Variants in KIF20B observed in about 807,000 individuals in gnomAD.
The protein encoded by KIF20B is kinesin-like protein KIF20B.
In KIF20B, 188 loss-of-function variants were observed where a neutral mutation model predicts 232.5. The observed-to-expected ratio is 0.81, with a 90% CI of 0.72 to 0.91. KIF20B has a LOEUF of 0.91. Ranked by LOEUF, KIF20B falls within the 40% of genes least tolerant of loss-of-function variation. KIF20B has a pLI of 0.00. For missense variants in KIF20B, 2,154 were observed against 2,055.9 expected, an observed-to-expected ratio of 1.05 and a Z score of -0.92; for synonymous variants, 712 against 683.0, an observed-to-expected ratio of 1.04 and a Z score of -0.66.
In KIF20B at chr10:89,713,549, A is replaced by G. The variant is rs888677313; in HGVS notation, c.676-498A>G. ...TAAAATATTTTATATCTTTTCATCCACCAATTCACTTTTAGGTGTATACTC... is the reference window on the plus strand; with the variant it reads ...TAAAATATTTTATATCTTTTCATCCGCCAATTCACTTTTAGGTGTATACTC... On this transcript the variant is annotated intron_variant, in intron 6 of 32. Coordinates refer to ENST00000371728, the MANE Select transcript of KIF20B (RefSeq NM_001284259.2). Among the ~76,000 whole-genome samples, 5 of 152,254 alleles carry G rather than the reference A, an allele frequency of 3.3e-5. No individual in the cohort carries two copies. In the East Asian group the frequency reaches 9.6e-4, roughly 29 times the overall value.
At chr10:89,729,355 T>C in intron 18 of KIF20B, 108 bp downstream of exon 18, 4 of 1,109,392 alleles carry the variant, frequency 3.6e-6, no homozygotes, top group Non-Finnish European at 4.9e-6. Context: ...TTATTGAGAA[T>C]GTTGAATTGC....
At position 89,743,047 on chromosome 10, in the gene KIF20B, T is replaced by G. The variant is rs556581753; in HGVS notation, c.3916-761T>G. Among the ~76,000 whole-genome samples the G allele has an allele frequency of 8.5e-5, 13 of 152,226 alleles. No individual in the cohort carries two copies. In the South Asian group the frequency reaches 2.7e-3, roughly 32 times the overall value. On this transcript the variant is annotated intron_variant, in intron 21 of 32. Transcript: ENST00000371728. ...CATCTTTTCATTTAATTTCCTTCCG[T>G]TTTTGAGCTCTCTAGCGAGTGTGAA...
At chr10:89,704,416 T>A (rs957369829) in intron 1 of KIF20B, among the ~76,000 whole-genome samples, 3 of 152,244 alleles carry the variant, frequency 2.0e-5, no homozygotes, top group African/African-American at 7.2e-5. Context: ...TTTAATTCAA[T>A]GGTAATAGTT....
In KIF20B at chr10:89,719,511, C is replaced by G. The variant is rs141486158; in HGVS notation, c.1527C>G (p.Asn509Lys). 7 of 1,609,530 alleles carry G rather than the reference C, an allele frequency of 4.3e-6. No individual in the cohort carries two copies. In the African/African-American group the frequency reaches 8.0e-5, roughly 18 times the overall value. Residue 509 changes from asparagine to lysine, a missense_variant, in exon 13 of 33, where the codon AAC becomes AAG. Physicochemically the swap from Asn to Lys is moderately conservative, Grantham distance 94. Coordinates refer to ENST00000371728, the MANE Select transcript of KIF20B (RefSeq NM_001284259.2). Reference sequence around the variant, plus strand: ...ATGTATCACTAGACAGTAATTCAAACAGTAAAATATTAAATGTAAAAAGAG... The same window carrying G: ...ATGTATCACTAGACAGTAATTCAAAGAGTAAAATATTAAATGTAAAAAGAG... Reference protein sequence around the residue: ...SQDVSLDSNSNSKILNVKRAT... With the variant: ...SQDVSLDSNSKSKILNVKRAT...
At chr10:89,763,918 T>A (rs1255292486) in intron 29 of KIF20B, among the ~76,000 whole-genome samples, 1 of 150,630 alleles carries the variant, frequency 6.6e-6, no homozygotes, top group Non-Finnish European at 1.5e-5. Context: ...TATTATACTT[T>A]AAGTTTTAGG....
chr10:89,713,067 A>G (rs1426710780), intron 6 of KIF20B, among the ~76,000 whole-genome samples: 1 of 152,176 alleles, frequency 6.6e-6, no homozygotes, highest in African/African-American at 2.4e-5. Context: ...TTAATAATGA[A>G]AAAAATTTTT....
chr10:89,732,832 G>T, intron 18 of KIF20B, 71 bp from the exon 19 acceptor site: 6 of 1,317,688 alleles, frequency 4.6e-6, no homozygotes, highest in Non-Finnish European at 6.1e-6. Context: ...ACCATTGAAA[G>T]TAATTTATGT....
At chr10:89,759,678 T>C (rs1402859664) in intron 27 of KIF20B, among the ~76,000 whole-genome samples, 1 of 152,156 alleles carries the variant, frequency 6.6e-6, no homozygotes, top group East Asian at 1.9e-4. Flanking sequence ...ACATTTCTGA[T>C]CTTTATCTAA....
At chr10:89,738,699 A>G (rs1272434701) in intron 20 of KIF20B, 82 bp downstream of exon 20, 12 of 1,439,474 alleles carry the variant, frequency 8.3e-6, no homozygotes, top group Non-Finnish European at 1.0e-5. Flanking sequence ...TTAGATAGTC[A>G]TACTTAATCT....
intron 13 of KIF20B, among the ~76,000 whole-genome samples, chr10:89,720,545 C>G (rs991013013): frequency 3.3e-5 from 5 of 152,102 alleles, no homozygotes; most frequent in African/African-American, 1.2e-4. Context: ...TCCATCAGAC[C>G]TTTATTTTGC....
intron 9 of KIF20B, 46 bp downstream of exon 9, chr10:89,716,593 T>TTCTG: frequency 1.1e-6 from 1 of 919,518 alleles, no homozygotes; most frequent in East Asian, 2.5e-5. Flanking sequence ...ACCGATAGTA[T>TTCTG]TCTGTGTTAA....
intron 25 of KIF20B, among the ~76,000 whole-genome samples, chr10:89,752,904 A>T (rs1842049277): frequency 6.6e-6 from 1 of 152,166 alleles, no homozygotes; most frequent in South Asian, 2.1e-4. Context: ...TGCCAGTGAA[A>T]TATAGTGATT....
intron 1 of KIF20B, among the ~76,000 whole-genome samples, chr10:89,704,518 G>A (rs1196882750): frequency 6.6e-6 from 1 of 151,256 alleles, no homozygotes; most frequent in Non-Finnish European, 1.5e-5. Context: ...CTTTTTACTT[G>A]AATTTGAAAT....
chr10:89,714,488 T>G (rs1842898159), intron 7 of KIF20B, among the ~76,000 whole-genome samples: 1 of 152,056 alleles, frequency 6.6e-6, no homozygotes, highest in South Asian at 2.1e-4. Context: ...AAAAAAAATT[T>G]TCACCTTGTA....
chr10:89,762,993 C>T (rs1842277704), intron 29 of KIF20B, among the ~76,000 whole-genome samples, 158 bp downstream of exon 29: 1 of 152,062 alleles, frequency 6.6e-6, no homozygotes, highest in African/African-American at 2.4e-5. Context: ...TTAAGGATAT[C>T]ACTGTGGGCC....
chr10:89,772,059 A>G (rs1842473888), intron 31 of KIF20B, among the ~76,000 whole-genome samples: 1 of 134,370 alleles, frequency 7.4e-6, no homozygotes, highest in South Asian at 2.7e-4. Flanking sequence ...TTTAAAAAAA[A>G]ATATTTGATA....
chr10:89,720,151 A>G (rs967211602), intron 13 of KIF20B, among the ~76,000 whole-genome samples: 5 of 152,064 alleles, frequency 3.3e-5, no homozygotes, highest in Non-Finnish European at 5.9e-5. Flanking sequence ...CTTTATAGCC[A>G]CTTTGTTTTT....
rs745682814 is a variant in KIF20B, at chr10:89,738,588, A to G, written c.3747A>G (p.Glu1249=). Residue 1249 remains glutamate (E), a synonymous_variant, in exon 20 of 33, where the codon GAA becomes GAG. Coordinates refer to ENST00000371728, the MANE Select transcript of KIF20B (RefSeq NM_001284259.2). The stretch of plus-strand genomic sequence containing the variant: ...ATTTACTTCAATTAAAAGAAGAAGA[A>G]GAAGAAACCAACAGGCAAGAAACAG... ...MKHLLQLKEE[E]EETNRQETEK... 48 of 1,560,110 alleles carry G rather than the reference A, an allele frequency of 3.1e-5. No homozygotes were observed. Among genetic ancestry groups the G allele is most frequent in the Non-Finnish European group, 3.7e-5 (43 of 1,158,438 alleles).
Position 89,706,452 on chromosome 10 carries a change from T to G in KIF20B, c.147+1011T>G, listed in dbSNP as rs143890535. Among the ~76,000 whole-genome samples the G allele has an allele frequency of 2.1e-3, 320 of 152,192 alleles. 1 individual carries two copies. The highest frequency in any genetic ancestry group is 0.017 in the Middle Eastern group (5 of 292). On this transcript the variant is annotated intron_variant, in intron 2 of 32. Transcript: ENST00000371728. ...TTCTTTTCTTCTTTGGTGAATTTTT[T>G]TGTGTGTGTGTTCTCTTTAAGAAAC... is the stretch of plus-strand genomic sequence containing the variant.
Sources: allele counts gnomAD v4.1 joint callset (sites outside exome capture counted in the v4.1 genomes callset), GRCh38; gene constraint gnomAD v4.1.1; transcripts MANE v1.5; gene names NCBI Gene and HGNC (gene_info 2026-07-23, HGNC 2026-07-21).